The following USP8 variants were observed in gnomAD, a reference collection of about 807,000 sequenced individuals.
The protein encoded by USP8 is ubiquitin specific peptidase 8.
Under a neutral mutation model 130.0 loss-of-function variants are expected in USP8, and 27 were observed. That is an observed-to-expected ratio of 0.21 (90% CI 0.15 to 0.29). The LOEUF is 0.29. USP8 is among the 10% of genes least tolerant of loss of function. The pLI is 1.00. For missense variants in USP8, 1,029 were observed against 1,312.2 expected, an observed-to-expected ratio of 0.78 and a Z score of 3.33; for synonymous variants, 392 against 444.1, an observed-to-expected ratio of 0.88 and a Z score of 1.48.
At chr15:50,472,234 T>C (rs2051402039) in intron 8 of USP8, among the ~76,000 whole-genome samples, 1 of 152,016 alleles carries the variant, frequency 6.6e-6, no homozygotes, top group African/African-American at 2.4e-5. Context: ...TTTTATAAAT[T>C]CAGGTTTAAA....
chr15:50,482,285 A>G (rs1342855570), intron 11 of USP8, among the ~76,000 whole-genome samples: 1 of 152,236 alleles, frequency 6.6e-6, no homozygotes, highest in African/African-American at 2.4e-5. Flanking sequence ...CTTTTTGTAT[A>G]TTACATCTAT....
Position 50,481,714 on chromosome 15 carries a change from A to G in USP8, c.1452A>G (p.Glu484=). 6.2e-7 allele frequency: 1 copy of G among 1,612,036 alleles called. No homozygotes were observed. Among genetic ancestry groups the G allele is most frequent in the Non-Finnish European group, 8.5e-7 (1 of 1,179,554 alleles). Residue 484 remains glutamate, a synonymous_variant, in exon 11 of 20, where the codon GAA becomes GAG. Transcript: ENST00000307179. The part of the protein sequence containing the change: ...EKNKQEKELR[E]RQQEEQKEKL... ...ACAAACAAGAAAAAGAACTTCGGGAAAGGCAGCAAGAGGAACAGAAAGAGA... is the reference window on the plus strand; with the variant it reads ...ACAAACAAGAAAAAGAACTTCGGGAGAGGCAGCAAGAGGAACAGAAAGAGA...
rs1161864798 is a variant in USP8, at chr15:50,500,681, A to G, written c.*1593A>G. On this transcript the variant is annotated 3_prime_UTR_variant, in exon 20 of 20. Transcript: ENST00000307179. Reference sequence around the variant, plus strand: ...TAACGCTTTTGTATTGGTATGGAAAAGGGCTGGCAGCTATAGAACAGGAGA... The same window carrying G: ...TAACGCTTTTGTATTGGTATGGAAAGGGGCTGGCAGCTATAGAACAGGAGA... 3.1e-6 allele frequency: 4 copies of G among 1,298,252 alleles called. No homozygotes were observed. The African/African-American group carries it at 4.4e-5, about 14-fold the overall frequency. 80.4% of individuals were successfully genotyped at this position (1,298,252 alleles called of 1,614,324 possible). A position where few individuals can be genotyped will look rare whatever the true frequency, so the allele number is the denominator to read the frequency against.
In USP8 at chr15:50,509,328, C is replaced by T. The variant is rs2052708480; in HGVS notation, c.*10240C>T. 2 of 150,270 alleles carry T rather than the reference C, an allele frequency of 1.3e-5. No individual in the cohort carries two copies. Among genetic ancestry groups the T allele is most frequent in the Admixed American group, 1.3e-4 (2 of 14,962 alleles). 9.3% of individuals were successfully genotyped at this position (150,270 alleles called of 1,614,324 possible). On this transcript the variant is annotated 3_prime_UTR_variant, in exon 20 of 20. Coordinates refer to ENST00000307179, the MANE Select transcript of USP8 (RefSeq NM_005154.5). ...TGAGACCCTCTCTCAAAAATAGTAA[C>T]TTGGACGTCAATAGTAAGATTTAGA...
At chr15:50,436,140 A>G (rs2050084035) in intron 1 of USP8, among the ~76,000 whole-genome samples, 1 of 152,180 alleles carries the variant, frequency 6.6e-6, no homozygotes, top group South Asian at 2.1e-4. Flanking sequence ...TTAGAAAACA[A>G]AGTAAATGCT....
intron 4 of USP8, 45 bp downstream of exon 4, chr15:50,449,530 TAAA>T (rs1370426031): frequency 7.7e-7 from 1 of 1,291,032 alleles, no homozygotes; most frequent in South Asian, 1.6e-5. Flanking sequence ...ATTTAGAAGA[TAAA>T]AATAATATTT....
At chr15:50,444,421 T>C (rs911743311) in intron 3 of USP8, 1 of 151,242 alleles carries the variant, frequency 6.6e-6, no homozygotes, top group Non-Finnish European at 1.5e-5. Context: ...TTTTTTTTAA[T>C]GGTCTTGTTT....
chr15:50,462,171 T>G, intron 5 of USP8, 109 bp from the exon 6 acceptor site: 1 of 891,824 alleles, frequency 1.1e-6, no homozygotes, highest in African/African-American at 1.7e-5. Context: ...GCCAGTACTC[T>G]GCACAGTTCG....
chr15:50,425,128 T>A (rs893192125), intron 1 of USP8, among the ~76,000 whole-genome samples: 1 of 152,160 alleles, frequency 6.6e-6, no homozygotes, highest in African/African-American at 2.4e-5. Flanking sequence ...CAGACCACCC[T>A]CCTGGGTTTA....
At position 50,436,858 on chromosome 15, in the gene USP8, T is replaced by C. The variant is rs888766684; in HGVS notation, c.-65-2151T>C. Among the ~76,000 whole-genome samples, 18 of 151,982 alleles carry C rather than the reference T, an allele frequency of 1.2e-4. 1 individual carries two copies. Among genetic ancestry groups the C allele is most frequent in the African/African-American group, 4.1e-4 (17 of 41,372 alleles). ...CTAATTTTTGTATTTTTAGTAGAGA[T>C]AGGGTTTCACCATGTTGACCAGGCT... is the stretch of plus-strand genomic sequence containing the variant. On this transcript the variant is annotated intron_variant, in intron 1 of 19. Coordinates refer to ENST00000307179, the MANE Select transcript of USP8 (RefSeq NM_005154.5).
rs2052534305 is a variant in USP8, at chr15:50,499,417, C to T, written c.*329C>T. On this transcript the variant is annotated 3_prime_UTR_variant, in exon 20 of 20. Transcript: ENST00000307179. Reference sequence around the variant, plus strand: ...TTTTTTTCCTTTTCACTGTTATGGCCTTTTCACATTTCTAAATCCCATCTT... The same window carrying T: ...TTTTTTTCCTTTTCACTGTTATGGCTTTTTCACATTTCTAAATCCCATCTT... 5.6e-6 allele frequency: 1 copy of T among 177,552 alleles called. No homozygotes were observed. Among genetic ancestry groups the T allele is most frequent in the Non-Finnish European group, 1.2e-5 (1 of 85,050 alleles). 11.0% of individuals were successfully genotyped at this position (177,552 alleles called of 1,614,324 possible). A position where few individuals can be genotyped will look rare whatever the true frequency, so the allele number is the denominator to read the frequency against.
intron 3 of USP8, among the ~76,000 whole-genome samples, chr15:50,443,936 C>A (rs890241867): frequency 2.0e-5 from 3 of 151,992 alleles, no homozygotes; most frequent in East Asian, 1.9e-4. Flanking sequence ...CAGAGGCCTT[C>A]CTAAATTCAA....
rs1284080580 is a variant in USP8, at chr15:50,489,828, C to G, written c.1918C>G (p.Arg640Gly). Residue 640 changes from arginine (R) to glycine (G), a missense_variant, in exon 13 of 20, where the codon CGA (arginine) becomes GGA (glycine). Transcript: ENST00000307179. ...KAQREPLTRA[R>G]SEEMGRIVPG... is the part of the protein sequence containing the mutation. ...TCAACGAGAACCTTTGACAAGAGCACGAAGTGAAGAAATGGGGAGGATCGT... is the reference window on the plus strand; with the variant it reads ...TCAACGAGAACCTTTGACAAGAGCAGGAAGTGAAGAAATGGGGAGGATCGT... The G allele has an allele frequency of 5.1e-6, 8 of 1,570,210 alleles. No individual in the cohort carries two copies. In the Admixed American group the frequency reaches 1.4e-4, roughly 28 times the overall value.
chr15:50,477,452 G>A lies in USP8; in HGVS notation c.1171G>A (p.Val391Ile). Residue 391 changes from valine to isoleucine, a missense_variant, in exon 10 of 20, where the codon GTT becomes ATT. This residue lies in a region of USP8 where 486 missense variants were observed against 522.0 expected (regional missense o/e 0.93). Transcript: ENST00000307179. ...ACCAGTTGCTGCTTCTAAATCTGATGTTTCACCCATAATTCAGCCAGTGCC... is the reference window on the plus strand; with the variant it reads ...ACCAGTTGCTGCTTCTAAATCTGATATTTCACCCATAATTCAGCCAGTGCC... ...VEPVAASKSDVSPIIQPVPSI... is the reference protein window; with the variant it reads ...VEPVAASKSDISPIIQPVPSI... The A allele has an allele frequency of 6.2e-7, 1 of 1,614,126 alleles. No individual in the cohort carries two copies.
rs771028316 is a variant in USP8 at position 50,500,803 on chromosome 15, G to T, written c.*1715G>T. The T allele has an allele frequency of 6.3e-6, 10 of 1,590,252 alleles. No individual in the cohort carries two copies. The Admixed American group carries it at 7.1e-5, about 11-fold the overall frequency. On this transcript the variant is annotated 3_prime_UTR_variant, in exon 20 of 20. Transcript: ENST00000307179. ...GGTGACTGAATTCTTGCAGAAAGCA[G>T]TGTAGTGGCCACCATCCAAATCACC...
At position 50,496,087 on chromosome 15, in the gene USP8, AAGTTTAAGAAGTAG is replaced by A. The variant is rs1252808738; in HGVS notation, c.2895+6_2895+19del. 2 of 1,584,324 alleles carry A rather than the reference AAGTTTAAGAAGTAG, an allele frequency of 1.3e-6. No homozygotes were observed. Among genetic ancestry groups the A allele is most frequent in the Non-Finnish European group, 1.7e-6 (2 of 1,159,490 alleles). On this transcript the variant is annotated splice_donor_5th_base_variant and intron_variant, in intron 17 of 19. Transcript: ENST00000307179. The stretch of plus-strand genomic sequence containing the variant: ...CCACAAGTAAATGTACATTACAGGT[AAGTTTAAGAAGTAG>A]AGAGAAAATGATTTATTGGATAAAA...
At chr15:50,491,335 T>C (rs1345503290) in intron 14 of USP8, among the ~76,000 whole-genome samples, 2 of 152,214 alleles carry the variant, frequency 1.3e-5, no homozygotes, top group South Asian at 2.1e-4. Context: ...AAAGTTGAAA[T>C]TTTTTCTTCC....
rs974524087 is a variant in USP8, at chr15:50,507,800, G to A, written c.*8712G>A. On this transcript the variant is annotated 3_prime_UTR_variant, in exon 20 of 20. Coordinates refer to ENST00000307179, the MANE Select transcript of USP8 (RefSeq NM_005154.5). ...AAAGAGTTAGTTTAGGCCAGGCACG[G>A]TGGCTCATGCCTGTAATCCCAGCAC... 1.3e-5 allele frequency: 2 copies of A among 152,212 alleles called. No homozygotes were observed. Among genetic ancestry groups the A allele is most frequent in the Admixed American group, 6.5e-5 (1 of 15,290 alleles). 9.4% of individuals were successfully genotyped at this position (152,212 alleles called of 1,614,324 possible).
Position 50,506,957 on chromosome 15 carries a change from CAAAAAAAAAAAAAAAA to C in USP8, c.*7887_*7902del, listed in dbSNP as rs58329541. 7 of 46,198 alleles carry C rather than the reference CAAAAAAAAAAAAAAAA, an allele frequency of 1.5e-4. No homozygotes were observed. The highest frequency in any genetic ancestry group is 5.7e-4 in the African/African-American group (6 of 10,532). 2.9% of individuals were successfully genotyped at this position (46,198 alleles called of 1,614,324 possible). A position where few individuals can be genotyped will look rare whatever the true frequency, so the allele number is the denominator to read the frequency against. On this transcript the variant is annotated 3_prime_UTR_variant, in exon 20 of 20. Coordinates refer to ENST00000307179, the MANE Select transcript of USP8 (RefSeq NM_005154.5). ...TGGGCGACAGAGCGAGACTTCATCT[CAAAAAAAAAAAAAAAA>C]AAAAAAAAAAAAAAAAATCCAGTTT... is the stretch of plus-strand genomic sequence containing the variant.
Sources: gnomAD v4.1 joint callset for allele counts (sites outside exome capture counted in the v4.1 genomes callset) on GRCh38, gnomAD v4.1.1 for gene constraint, gnomAD v4.1.1 regional missense constraint, MANE v1.5 for transcripts, NCBI Gene and HGNC (gene_info 2026-07-23, HGNC 2026-07-21) for gene names.